Variants in KDM4C observed in about 807,000 individuals in gnomAD.
The protein encoded by KDM4C is lysine-specific demethylase 4C.
Under a neutral mutation model 129.3 loss-of-function variants are expected in KDM4C, and 81 were observed. The observed-to-expected ratio is 0.63, with a 90% CI of 0.52 to 0.75. The LOEUF (loss-of-function observed/expected upper bound fraction) is 0.75. Ranked by LOEUF, KDM4C falls within the 30% of genes least tolerant of loss-of-function variation. The pLI is 0.00. For missense variants in KDM4C, 1,457 were observed against 1,304.0 expected (o/e 1.12, Z -1.81); for synonymous variants, 573 against 456.1 (o/e 1.26, Z -3.26).
At chr9:7,161,975 C>G (rs1053346389) in intron 19 of KDM4C, among the ~76,000 whole-genome samples, 1 of 152,180 alleles carries the variant, frequency 6.6e-6, no homozygotes, top group Non-Finnish European at 1.5e-5. Context: ...CAGAAATAAG[C>G]TCTTTTATGT....
intron 15 of KDM4C, among the ~76,000 whole-genome samples, chr9:7,029,962 C>G (rs545612647): frequency 1.3e-5 from 2 of 152,136 alleles, no homozygotes; most frequent in East Asian, 3.9e-4. Flanking sequence ...TTCTAGGGAG[C>G]TTTTTTGTTA....
chr9:6,838,572 T>G (rs1836304243), intron 4 of KDM4C, among the ~76,000 whole-genome samples: 1 of 152,232 alleles, frequency 6.6e-6, no homozygotes, highest in Admixed American at 6.5e-5. Flanking sequence ...TTTGTACTCA[T>G]ATTTGCCTTT....
At chr9:7,143,370 A>G (rs1225142623) in intron 19 of KDM4C, among the ~76,000 whole-genome samples, 4 of 152,254 alleles carry the variant, frequency 2.6e-5, no homozygotes, top group African/African-American at 9.6e-5. Flanking sequence ...TGTTAGCAAG[A>G]ATCAGCCTTC....
At chr9:6,983,177 G>T (rs991164688) in intron 9 of KDM4C, among the ~76,000 whole-genome samples, 1 of 152,128 alleles carries the variant, frequency 6.6e-6, no homozygotes, top group African/African-American at 2.4e-5. Context: ...ATAGGTTATC[G>T]CAGGCCACCC....
chr9:7,121,060 T>G (rs997686704), intron 18 of KDM4C, among the ~76,000 whole-genome samples: 2 of 152,192 alleles, frequency 1.3e-5, no homozygotes, highest in African/African-American at 2.4e-5. Flanking sequence ...CACTAACATT[T>G]TAGTATGTAT....
intron 19 of KDM4C, among the ~76,000 whole-genome samples, chr9:7,142,667 G>C (rs1841865388): frequency 6.6e-6 from 1 of 152,152 alleles, no homozygotes; most frequent in South Asian, 2.1e-4. Flanking sequence ...ATAATAATTA[G>C]CAACTAATAT....
At chr9:6,913,354 A>T (rs965504090) in intron 8 of KDM4C, among the ~76,000 whole-genome samples, 1 of 152,248 alleles carries the variant, frequency 6.6e-6, no homozygotes, top group African/African-American at 2.4e-5. Flanking sequence ...GGATATGGTG[A>T]AACAAACCCA....
chr9:6,961,809 T>A (rs566674558), intron 8 of KDM4C, among the ~76,000 whole-genome samples: 3 of 152,390 alleles, frequency 2.0e-5, no homozygotes, highest in African/African-American at 7.2e-5. Flanking sequence ...TATTTTTCCA[T>A]ATTATTGCAT....
At chr9:6,742,623 C>G (rs1234191033) in intron 1 of KDM4C, among the ~76,000 whole-genome samples, 1 of 144,982 alleles carries the variant, frequency 6.9e-6, no homozygotes, top group Non-Finnish European at 1.5e-5. Context: ...TCATGAATAT[C>G]AGCCCTTTGG....
chr9:6,860,688 C>T (rs1348214883), intron 5 of KDM4C, among the ~76,000 whole-genome samples: 1 of 152,188 alleles, frequency 6.6e-6, no homozygotes, highest in Non-Finnish European at 1.5e-5. Flanking sequence ...CTTCTGAAGG[C>T]TGTAACACAG....
At chr9:7,027,708 C>G (rs1009177595) in intron 15 of KDM4C, among the ~76,000 whole-genome samples, 3 of 152,218 alleles carry the variant, frequency 2.0e-5, no homozygotes, top group African/African-American at 7.2e-5. Flanking sequence ...CAGGTGCGTA[C>G]TGAGGTACCA....
At chr9:7,123,843 G>A (rs1839759627) in intron 18 of KDM4C, among the ~76,000 whole-genome samples, 2 of 152,162 alleles carry the variant, frequency 1.3e-5, no homozygotes, top group Admixed American at 1.3e-4. Context: ...TGAAGGGTGG[G>A]TGCCTGGATT....
At chr9:6,739,469 T>G (rs1747498722) in intron 1 of KDM4C, among the ~76,000 whole-genome samples, 1 of 152,154 alleles carries the variant, frequency 6.6e-6, no homozygotes, top group Non-Finnish European at 1.5e-5. Flanking sequence ...GACACAATCA[T>G]GTGTTTACAC....
chr9:6,763,959 G>C (rs906261430), intron 1 of KDM4C, among the ~76,000 whole-genome samples: 2 of 152,072 alleles, frequency 1.3e-5, no homozygotes, highest in Non-Finnish European at 2.9e-5. Context: ...GGGTTTCTCC[G>C]TGTTGGTTAG....
At chr9:7,043,508 G>T (rs1017424152) in intron 15 of KDM4C, among the ~76,000 whole-genome samples, 4 of 152,002 alleles carry the variant, frequency 2.6e-5, no homozygotes, top group Admixed American at 2.6e-4. Flanking sequence ...GTTAAAAATT[G>T]TCTTATCTGT....
chr9:6,843,448 A>G (rs1837334030), intron 4 of KDM4C, among the ~76,000 whole-genome samples: 3 of 152,212 alleles, frequency 2.0e-5, no homozygotes, highest in South Asian at 2.1e-4. Context: ...TTTATGTACT[A>G]TTGGGAAGCC....
At chr9:7,169,048 T>A (rs1289379003) in intron 20 of KDM4C, among the ~76,000 whole-genome samples, 6 of 104,888 alleles carry the variant, frequency 5.7e-5, no homozygotes, top group Admixed American at 3.6e-4. Flanking sequence ...CTGTCTCAAT[T>A]TAAAAAAAAA....
chr9:7,058,933 A>G (rs1831243849), intron 17 of KDM4C, among the ~76,000 whole-genome samples: 1 of 152,214 alleles, frequency 6.6e-6, no homozygotes, highest in Admixed American at 6.5e-5. Flanking sequence ...TTTTCTAAAA[A>G]GTGAATGACA....
intron 15 of KDM4C, among the ~76,000 whole-genome samples, chr9:7,016,780 A>G (rs776350489): frequency 9.2e-5 from 14 of 152,012 alleles, no homozygotes; most frequent in Non-Finnish European, 1.8e-4. Context: ...GGGACTGTCA[A>G]TTTATCGTGT....
Sources: allele counts gnomAD v4.1 joint callset (sites outside exome capture counted in the v4.1 genomes callset), GRCh38; gene constraint gnomAD v4.1.1; transcripts MANE v1.5; gene names NCBI Gene and HGNC (gene_info 2026-07-23, HGNC 2026-07-21).